PGAP6: variants seen among roughly 807,000 people sequenced by gnomAD.
The protein encoded by PGAP6 is post-GPI attachment to proteins factor 6.
Under a neutral mutation model 68.4 loss-of-function variants are expected in PGAP6, and 62 were observed. The observed-to-expected ratio is 0.91, with a 90% CI of 0.74 to 1.12. The LOEUF (loss-of-function observed/expected upper bound fraction) is 1.12, where lower values mean the gene tolerates loss of function less well. Among genes scored for constraint, PGAP6 ranks in the 50% most tolerant of loss-of-function variants. The pLI is 0.00. For missense variants in PGAP6, 1,188 were observed against 1,068.5 expected (o/e 1.11, Z -1.56); for synonymous variants, 575 against 474.0 (o/e 1.21, Z -2.77).
chr16:372,492 C>A (rs2054343935), intron 12 of PGAP6, 119 bp downstream of exon 12: 4 of 995,164 alleles, frequency 4.0e-6, no homozygotes, highest in Non-Finnish European at 4.7e-6. Context: ...GCCATGGCAA[C>A]CCCCAGCAGA....
chr16:374,120 G>T lies in PGAP6; in HGVS notation c.1787C>A (p.Ala596Glu). ...FYHACDQPGE[A>E]VLCILSYDTL... is the part of the protein sequence containing the mutation. Reference sequence around the variant, plus strand: ...GTCGTAGCTGAGGATGCACAGCACCGCCTCCCCGGGCTGGTCGCAGGCGTG... The same window carrying T: ...GTCGTAGCTGAGGATGCACAGCACCTCCTCCCCGGGCTGGTCGCAGGCGTG... Residue 596 changes from alanine (A) to glutamate (E), a missense_variant, in exon 11 of 13, where the codon GCG becomes GAG. Transcript: ENST00000431232. The T allele has an allele frequency of 6.2e-7, 1 of 1,611,190 alleles. No homozygotes were observed. Among genetic ancestry groups the T allele is most frequent in the Non-Finnish European group, 8.5e-7 (1 of 1,179,934 alleles).
chr16:374,175 G>C (rs201756484), intron 10 of PGAP6, 24 bp from the exon 11 acceptor site: 1 of 1,610,552 alleles, frequency 6.2e-7, no homozygotes, highest in South Asian at 1.1e-5. Flanking sequence ...CCATGAGCGC[G>C]GTCCTGCCCT....
At chr16:382,042 AC>A (rs1298169603), upstream of PGAP6, 4 of 566,866 alleles carry the variant, frequency 7.1e-6, no homozygotes, top group African/African-American at 1.1e-4. Flanking sequence ...GGGGGGCGGG[AC>A]CGGGGGGGGC....
intron 12 of PGAP6, 140 bp downstream of exon 12, chr16:372,471 C>T (rs2054343686): frequency 1.0e-6 from 1 of 957,792 alleles, no homozygotes; most frequent in Admixed American, 1.9e-5. Flanking sequence ...CCATGCTGGG[C>T]CTCTGTGGGT....
chr16:376,242 C>G lies in PGAP6; in HGVS notation c.1118G>C (p.Arg373Thr), dbSNP rs756479592. The change falls in exon 6 of 13, where the codon AGG (arginine) becomes ACG (threonine). Residue 373 changes from arginine to threonine, a missense_variant. Coordinates refer to ENST00000431232, the MANE Select transcript of PGAP6 (RefSeq NM_021259.3). ...VVSVHFQPLDRVSVRVCSDTP... is the reference protein window; with the variant it reads ...VVSVHFQPLDTVSVRVCSDTP... ...GTCCGAACACACCCTCACCGAGACC[C>G]TGTCCAGGGGCTGGAAGTGCACCGA... 6.2e-7 allele frequency: 1 copy of G among 1,612,900 alleles called. No individual in the cohort carries two copies. The highest frequency in any genetic ancestry group is 8.5e-7 in the Non-Finnish European group (1 of 1,180,006).
intron 1 of PGAP6, among the ~76,000 whole-genome samples, chr16:378,200 CCACCCTGACTGCCATCG>C (rs1442257170): frequency 1.9e-4 from 28 of 145,238 alleles, no homozygotes; most frequent in East Asian, 1.4e-3. Context: ...ACTGCCATCG[CCACCCTGACTGCCATCG>C]CCACCCTGAC....
upstream of PGAP6, chr16:382,120 G>C (rs565996376): frequency 1.5e-4 from 57 of 376,628 alleles, no homozygotes; most frequent in South Asian, 6.8e-3. Context: ...GGGCGCGCGG[G>C]GGACGGACCG....
chr16:378,487 G>C (rs1165747844), intron 1 of PGAP6, among the ~76,000 whole-genome samples: 1 of 16,092 alleles, frequency 6.2e-5, no homozygotes, highest in Admixed American at 6.0e-4. Flanking sequence ...CACTGCCATC[G>C]CCACTCTGAC....
chr16:375,402 A>C lies in PGAP6; in HGVS notation c.1258T>G (p.Cys420Gly). The change falls in exon 7 of 13, where the codon TGC becomes GGC. Residue 420 changes from cysteine (C) to glycine (G), a missense_variant. By Grantham distance (159) the Cys-to-Gly change is radical (BLOSUM62 -3). Transcript: ENST00000431232. Reference protein sequence around the residue: ...EMRNETVVVACVNAASPFLGF... With the variant: ...EMRNETVVVAGVNAASPFLGF... ...AGGAAGGGCGAGGCAGCATTCACGC[A>C]GGCCACTACGACGGTCTCGTTCCGC... The C allele has an allele frequency of 6.2e-7, 1 of 1,612,884 alleles. No individual in the cohort carries two copies. The highest frequency in any genetic ancestry group is 8.5e-7 in the Non-Finnish European group (1 of 1,179,966).
chr16:382,052 G>T, upstream of PGAP6: 3 of 501,122 alleles, frequency 6.0e-6, no homozygotes, highest in East Asian at 1.1e-4. Context: ...ACCGGGGGGG[G>T]CGCGGACGCC....
chr16:386,726 C>CAAAA (rs10544230), upstream of PGAP6: 151 of 311,806 alleles, frequency 4.8e-4, no homozygotes, highest in Middle Eastern at 1.2e-3. Flanking sequence ...AAAAAAAAAC[C>CAAAA]AAAAAAAAAA....
Position 371,181 on chromosome 16 carries a change from G to A in PGAP6, c.*806C>T, listed in dbSNP as rs550355862. 6.6e-6 allele frequency: 1 copy of A among 152,202 alleles called. No individual in the cohort carries two copies. The highest frequency in any genetic ancestry group is 6.5e-5 in the Admixed American group (1 of 15,272). The allele number at this position is 152,202 out of a possible 1,614,324, so 9.4% of individuals were successfully genotyped here. ...AGGAGCAGAGACAGTCCAGTCTCCTGAACACCCACAGGGCACAGAGCCCAG... is the reference window on the plus strand; with the variant it reads ...AGGAGCAGAGACAGTCCAGTCTCCTAAACACCCACAGGGCACAGAGCCCAG... On this transcript the variant is annotated 3_prime_UTR_variant, in exon 13 of 13. Transcript: ENST00000431232.
chr16:385,181 T>A (rs967589609), upstream of PGAP6, among the ~76,000 whole-genome samples: 6 of 148,788 alleles, frequency 4.0e-5, no homozygotes, highest in Non-Finnish European at 5.9e-5. Context: ...AAAAAAAAAA[T>A]GTAATGGAGA....
At position 376,967 on chromosome 16, in the gene PGAP6, G is replaced by A. The variant is rs191637287; in HGVS notation, c.635+70C>T. The A allele has an allele frequency of 1.6e-3, 2,518 of 1,592,864 alleles. 33 individuals carry two copies. In the East Asian group the frequency reaches 0.017, roughly 11 times the overall value. The stretch of plus-strand genomic sequence containing the variant: ...CCCCAGGACTCAGGGCCAGGCTCTC[G>A]CACCCACTCCACCGAATCTGAGAAG... On this transcript the variant is annotated intron_variant, in intron 4 of 12. Transcript: ENST00000431232.
upstream of PGAP6, among the ~76,000 whole-genome samples, chr16:386,344 T>A (rs576049827): frequency 6.6e-6 from 1 of 152,326 alleles, no homozygotes; most frequent in East Asian, 1.9e-4. Context: ...CCTCTCTCTC[T>A]GTGGACACTC....
At chr16:381,170 G>A (rs536266118) in intron 1 of PGAP6, among the ~76,000 whole-genome samples, 1 of 152,204 alleles carries the variant, frequency 6.6e-6, no homozygotes, top group Non-Finnish European at 1.5e-5. Context: ...CGCCAGCTGG[G>A]AGTCCCTCCT....
chr16:376,789 C>T lies in PGAP6; in HGVS notation c.659G>A (p.Arg220Gln), dbSNP rs747839281. Residue 220 changes from arginine (R) to glutamine (Q), a missense_variant, in exon 5 of 13, where the codon CGG becomes CAG. Arg to Gln is a conservative substitution (Grantham distance 43, BLOSUM62 1). Transcript: ENST00000431232. Reference sequence around the variant, plus strand: ...GTCCCGCAGCTCCAGCAGAAGCTCCCGCGTGTAATCGGGGACAAAGACCCT... The same window carrying T: ...GTCCCGCAGCTCCAGCAGAAGCTCCTGCGTGTAATCGGGGACAAAGACCCT... ...YLKVFVPDYT[R>Q]ELLLELRDCV... 2.1e-5 allele frequency: 34 copies of T among 1,608,258 alleles called. No individual in the cohort carries two copies. The highest frequency in any genetic ancestry group is 5.5e-5 in the South Asian group (5 of 91,020).
At chr16:383,802 C>T (rs1281348674), upstream of PGAP6, among the ~76,000 whole-genome samples, 1 of 152,076 alleles carries the variant, frequency 6.6e-6, no homozygotes, top group Non-Finnish European at 1.5e-5. Flanking sequence ...CCGCAGGGAC[C>T]ATACCTGTTT....
chr16:376,938 C>G (rs936317441), intron 4 of PGAP6, 99 bp downstream of exon 4: 174 of 1,564,702 alleles, frequency 1.1e-4, no homozygotes, highest in Non-Finnish European at 1.4e-4. Flanking sequence ...ACTTCCCAGC[C>G]CAACCCCAGG....
Sources: allele counts gnomAD v4.1 joint callset (sites outside exome capture counted in the v4.1 genomes callset), GRCh38; gene constraint gnomAD v4.1.1; transcripts MANE v1.5; gene names NCBI Gene and HGNC (gene_info 2026-07-23, HGNC 2026-07-21).